The following GRIK1 variants were observed in gnomAD, a reference collection of about 807,000 sequenced individuals.
GRIK1 encodes glutamate receptor ionotropic, kainate 1.
A neutral mutation model predicts 105.7 loss-of-function variants in GRIK1; 69 were observed. That is an observed-to-expected ratio of 0.65 (90% CI 0.54 to 0.80). GRIK1 has a LOEUF of 0.80. Among genes scored for constraint, GRIK1 ranks in the 30% least tolerant of loss-of-function variants. The pLI is 0.00. For synonymous variants in GRIK1, 438 were observed against 431.3 expected (o/e 1.02, Z -0.19); for missense variants, 1,109 against 1,167.3 (o/e 0.95, Z 0.73).
chr21:29,814,855 C>A (rs1339269230), intron 1 of GRIK1, among the ~76,000 whole-genome samples: 1 of 151,960 alleles, frequency 6.6e-6, no homozygotes, highest in Admixed American at 6.6e-5. Flanking sequence ...TGTGTAGAGC[C>A]TAAGAGTGTA....
intron 1 of GRIK1, among the ~76,000 whole-genome samples, chr21:29,868,168 A>T (rs1254142514): frequency 6.6e-6 from 1 of 152,194 alleles, no homozygotes; most frequent in Non-Finnish European, 1.5e-5. Flanking sequence ...CTGGAAGAAA[A>T]GACACCAAAG....
chr21:29,861,957 T>C (rs927642503), intron 1 of GRIK1, among the ~76,000 whole-genome samples: 7 of 152,200 alleles, frequency 4.6e-5, no homozygotes, highest in African/African-American at 1.7e-4. Flanking sequence ...TGTATTGTCT[T>C]TGTCTAGGTA....
chr21:29,725,650 C>T (rs1007333330), intron 1 of GRIK1, among the ~76,000 whole-genome samples: 3 of 152,138 alleles, frequency 2.0e-5, no homozygotes, highest in African/African-American at 4.8e-5. Flanking sequence ...TTCATTTAAA[C>T]GTCCATAAAA....
At chr21:29,766,071 G>A (rs544780411) in intron 1 of GRIK1, among the ~76,000 whole-genome samples, 9 of 152,014 alleles carry the variant, frequency 5.9e-5, no homozygotes, top group Admixed American at 3.9e-4. Context: ...GGTTGGTCTC[G>A]ATCTCCTGAC....
chr21:29,785,637 A>G (rs1029749538), intron 1 of GRIK1, among the ~76,000 whole-genome samples: 4 of 151,714 alleles, frequency 2.6e-5, no homozygotes, highest in Non-Finnish European at 4.4e-5. Flanking sequence ...TTGGTATCAT[A>G]CACATGGCAA....
chr21:29,766,144 T>C (rs565021247), intron 1 of GRIK1, among the ~76,000 whole-genome samples: 22 of 152,214 alleles, frequency 1.4e-4, no homozygotes, highest in Non-Finnish European at 2.2e-4. Context: ...CCACCGTGCC[T>C]GGCCAGAAAG....
At chr21:29,800,896 A>G (rs1290384400) in intron 1 of GRIK1, among the ~76,000 whole-genome samples, 1 of 152,172 alleles carries the variant, frequency 6.6e-6, no homozygotes, top group Non-Finnish European at 1.5e-5. Flanking sequence ...AGGGTGAGGC[A>G]GCTGATGGGA....
chr21:29,860,707 G>C (rs889761499), intron 1 of GRIK1, among the ~76,000 whole-genome samples: 3 of 152,046 alleles, frequency 2.0e-5, no homozygotes, highest in Non-Finnish European at 4.4e-5. Context: ...TTATTGCATC[G>C]TTTAAATATT....
intron 10 of GRIK1, among the ~76,000 whole-genome samples, chr21:29,590,811 G>T (rs534385338): frequency 6.6e-6 from 1 of 152,222 alleles, no homozygotes; most frequent in African/African-American, 2.4e-5. Context: ...TCTTGCTAGG[G>T]TCTCCACATG....
intron 1 of GRIK1, among the ~76,000 whole-genome samples, chr21:29,910,473 G>A (rs1466574674): frequency 6.6e-6 from 1 of 152,088 alleles, no homozygotes; most frequent in Non-Finnish European, 1.5e-5. Flanking sequence ...TCACTAACCT[G>A]AGAGAAAGTA....
chr21:29,829,947 GA>G (rs892606834), intron 1 of GRIK1, among the ~76,000 whole-genome samples: 36 of 148,646 alleles, frequency 2.4e-4, no homozygotes, highest in East Asian at 5.9e-4. Flanking sequence ...TGTGCTGGAA[GA>G]AAAAAAAAAT....
At chr21:29,738,605 G>A (rs1601569957) in intron 1 of GRIK1, among the ~76,000 whole-genome samples, 1 of 152,166 alleles carries the variant, frequency 6.6e-6, no homozygotes, top group Non-Finnish European at 1.5e-5. Context: ...ACAAAGCAAC[G>A]ACTTTTTCTT....
intron 1 of GRIK1, among the ~76,000 whole-genome samples, chr21:29,871,091 T>C (rs1447119088): frequency 6.6e-6 from 1 of 152,134 alleles, no homozygotes; most frequent in African/African-American, 2.4e-5. Context: ...TTTGCTGCAA[T>C]CCCTCTTCTG....
intron 6 of GRIK1, among the ~76,000 whole-genome samples, chr21:29,649,944 CT>C (rs1249889571): frequency 6.6e-6 from 1 of 152,198 alleles, no homozygotes; most frequent in Non-Finnish European, 1.5e-5. Flanking sequence ...AAAAACCGAT[CT>C]ATTAGCGTGC....
chr21:29,587,990 T>TTTTTTTTTTTTTGG (rs1491321446), intron 11 of GRIK1, among the ~76,000 whole-genome samples: 1 of 131,220 alleles, frequency 7.6e-6, no homozygotes, highest in Admixed American at 7.3e-5. Context: ...TTTTTTTTTT[T>TTTTTTTTTTTTTGG]GTGAGGCGGA....
chr21:29,799,245 T>A (rs991225402), intron 1 of GRIK1, among the ~76,000 whole-genome samples: 10 of 152,222 alleles, frequency 6.6e-5, no homozygotes, highest in African/African-American at 2.4e-4. Context: ...TTAGAAGAAC[T>A]GGAAAAGAAT....
chr21:29,920,493 T>G (rs2071156321), intron 1 of GRIK1, among the ~76,000 whole-genome samples: 1 of 152,108 alleles, frequency 6.6e-6, no homozygotes, highest in African/African-American at 2.4e-5. Context: ...AAAGTTTCTT[T>G]GACTTTCTTT....
chr21:29,725,927 T>C (rs2064446184), intron 1 of GRIK1, among the ~76,000 whole-genome samples: 1 of 152,206 alleles, frequency 6.6e-6, no homozygotes, highest in Non-Finnish European at 1.5e-5. Context: ...CTTCAGCACG[T>C]TCCCAAAGGT....
At chr21:29,880,457 A>C (rs2069365227) in intron 1 of GRIK1, among the ~76,000 whole-genome samples, 1 of 152,128 alleles carries the variant, frequency 6.6e-6, no homozygotes, top group Admixed American at 6.6e-5. Context: ...TCCTGTTCAC[A>C]TAGGAAGTTA....
Sources: gnomAD v4.1 joint callset for allele counts (sites outside exome capture counted in the v4.1 genomes callset) on GRCh38, gnomAD v4.1.1 for gene constraint, MANE v1.5 for transcripts, NCBI Gene and HGNC (gene_info 2026-07-23, HGNC 2026-07-21) for gene names.